Variants in GLMN observed in about 807,000 individuals in gnomAD.
GLMN encodes glomulin, FKBP associated protein, also known as glomulin.
Under a neutral mutation model 87.8 loss-of-function variants are expected in GLMN, and 75 were observed. The ratio of observed to expected loss-of-function variants is 0.85; its 90% CI spans 0.71 to 1.04. GLMN has a LOEUF of 1.04. GLMN is among the 50% of genes least tolerant of loss of function. The pLI is 0.00. For synonymous variants in GLMN, 206 were observed against 221.6 expected (o/e 0.93, Z 0.63); for missense variants, 588 against 658.8 (o/e 0.89, Z 1.18).
chr1:92,328,905 G>A, the GLMN span, among the ~76,000 whole-genome samples: 3 of 152,162 alleles, frequency 2.0e-5, no homozygotes, highest in Admixed American at 6.5e-5. Context: ...TGCAGTGATT[G>A]TTATTGTTCT....
Position 92,262,866 on chromosome 1 carries a change from A to G in GLMN, c.1470T>C (p.Asn490=). ...TCTTTTCAAATACTTCACTTACTTG[A>G]TTGTCATTTTCATTATCTTTGATAA... ...YLVIKDNEND[N]QTGLWTELGN... Residue 490 remains asparagine (N), a synonymous_variant, in exon 16 of 19, where the codon AAT becomes AAC. Transcript: ENST00000370360. 3 of 1,124,118 alleles carry G rather than the reference A, an allele frequency of 2.7e-6. No homozygotes were observed. The highest frequency in any genetic ancestry group is 4.1e-6 in the Non-Finnish European group (3 of 738,378). 69.6% of individuals were successfully genotyped at this position (1,124,118 alleles called of 1,614,324 possible).
the GLMN span, among the ~76,000 whole-genome samples, chr1:92,318,116 C>T: frequency 1.3e-5 from 2 of 152,184 alleles, no homozygotes; most frequent in Non-Finnish European, 2.9e-5. Flanking sequence ...CTACAGTCAG[C>T]GATTACAGTG....
At chr1:92,345,848 TAAC>T in the GLMN span, 1 of 1,577,296 alleles carries the variant, frequency 6.3e-7, no homozygotes, top group East Asian at 2.3e-5. Flanking sequence ...TCTTTCAGGT[TAAC>T]AAATAGAAAT....
At chr1:92,314,068 T>C in the GLMN span, among the ~76,000 whole-genome samples, 43 of 152,356 alleles carry the variant, frequency 2.8e-4, no homozygotes, top group African/African-American at 9.9e-4. Context: ...ACTTTCTCTA[T>C]ACCAGCAATA....
chr1:92,352,438 T>A, the GLMN span, among the ~76,000 whole-genome samples: 1 of 77,008 alleles, frequency 1.3e-5, no homozygotes, highest in East Asian at 5.6e-4. Context: ...GGCTTTTGCC[T>A]CAGCAGGCTG....
intron 7 of GLMN, among the ~76,000 whole-genome samples, chr1:92,280,495 C>T (rs576379247): frequency 7.3e-4 from 111 of 152,246 alleles, no homozygotes; most frequent in Middle Eastern, 3.4e-3. Flanking sequence ...TAGATAAAAC[C>T]ACAAAGATGG....
At chr1:92,273,354 C>G (rs1191636284) in intron 7 of GLMN, among the ~76,000 whole-genome samples, 1 of 152,016 alleles carries the variant, frequency 6.6e-6, no homozygotes, top group Non-Finnish European at 1.5e-5. Flanking sequence ...GTTTATTGCA[C>G]TCTGATTCCA....
chr1:92,309,574 TACATATACATAC>T, the GLMN span, among the ~76,000 whole-genome samples: 77 of 9,816 alleles, frequency 7.8e-3, no homozygotes, highest in East Asian at 0.062. Flanking sequence ...CATACACATA[TACATATACATAC>T]ACATACACAT....
the GLMN span, among the ~76,000 whole-genome samples, chr1:92,312,172 G>A: frequency 2.9e-3 from 442 of 152,234 alleles, 3 homozygotes; most frequent in Admixed American, 4.7e-3. Context: ...GCATTGTTGC[G>A]GGGCAAGGCA....
the GLMN span, among the ~76,000 whole-genome samples, chr1:92,320,313 G>A: frequency 1.3e-5 from 2 of 151,480 alleles, no homozygotes; most frequent in East Asian, 1.9e-4. Flanking sequence ...TCGCTCTGTC[G>A]CCAGGCTGGA....
At chr1:92,348,569 T>C in the GLMN span, among the ~76,000 whole-genome samples, 1 of 152,178 alleles carries the variant, frequency 6.6e-6, no homozygotes, top group African/African-American at 2.4e-5. Flanking sequence ...AAGACTTCTG[T>C]CTCCTGCCCC....
chr1:92,301,640 A>C (rs1650865733), upstream of GLMN: 3 of 764,704 alleles, frequency 3.9e-6, no homozygotes, highest in Admixed American at 8.7e-5. Context: ...ACATCTTTAA[A>C]TCTGTGCAGC....
chr1:92,361,202 A>G, the GLMN span, among the ~76,000 whole-genome samples: 2 of 151,940 alleles, frequency 1.3e-5, no homozygotes, highest in Admixed American at 6.6e-5. Flanking sequence ...TTTATCCAAT[A>G]TTGTGTTTGG....
upstream of GLMN, among the ~76,000 whole-genome samples, chr1:92,301,193 C>T (rs187400587): frequency 6.6e-6 from 1 of 152,240 alleles, no homozygotes; most frequent in East Asian, 1.9e-4. Flanking sequence ...CATTAGAAAA[C>T]AGAAATTTGG....
chr1:92,333,328 G>T, the GLMN span: 9 of 1,304,034 alleles, frequency 6.9e-6, no homozygotes, highest in Non-Finnish European at 1.0e-5. Context: ...TTATTGTTCT[G>T]CTTATCAAAG....
chr1:92,280,636 A>T (rs943741597), intron 7 of GLMN, among the ~76,000 whole-genome samples: 1 of 152,234 alleles, frequency 6.6e-6, no homozygotes, highest in African/African-American at 2.4e-5. Flanking sequence ...TGACAGAAGT[A>T]GGCTTCGGAA....
chr1:92,275,000 A>G (rs956626418), intron 7 of GLMN, among the ~76,000 whole-genome samples: 3 of 152,200 alleles, frequency 2.0e-5, no homozygotes, highest in Non-Finnish European at 4.4e-5. Context: ...CCAGCCTTGG[A>G]AAAATAACTG....
the GLMN span, among the ~76,000 whole-genome samples, chr1:92,325,145 A>G: frequency 1.3e-5 from 2 of 152,284 alleles, no homozygotes; most frequent in South Asian, 4.1e-4. Flanking sequence ...TAGTATTTCT[A>G]CTACCCATCT....
chr1:92,366,352 G>T, the GLMN span, among the ~76,000 whole-genome samples: 1 of 152,130 alleles, frequency 6.6e-6, no homozygotes, highest in African/African-American at 2.4e-5. Flanking sequence ...CTTGGCATTT[G>T]TTTCCTTATC....
Sources: gnomAD v4.1 joint callset for allele counts (sites outside exome capture counted in the v4.1 genomes callset) on GRCh38, gnomAD v4.1.1 for gene constraint, MANE v1.5 for transcripts, NCBI Gene and HGNC (gene_info 2026-07-23, HGNC 2026-07-21) for gene names.